Variants in SPG7 observed in about 807,000 individuals in gnomAD.
The protein encoded by SPG7 is mitochondrial inner membrane m-AAA protease component paraplegin.
SPG7 carries 103 observed loss-of-function variants against 81.9 expected under a neutral mutation model. The ratio of observed to expected loss-of-function variants is 1.26; its 90% CI spans 1.07 to 1.48. SPG7 has a LOEUF of 1.48. Among genes scored for constraint, SPG7 ranks in the 40% most tolerant of loss-of-function variants. The probability of loss-of-function intolerance (pLI) is 0.00; values close to 1 mark genes in which losing one functional copy is unlikely to be tolerated. For synonymous variants in SPG7, 534 were observed against 444.2 expected (o/e 1.20, Z -2.54); for missense variants, 1,241 against 1,087.3 (o/e 1.14, Z -1.99).
At chr16:89,542,642 A>G (rs895642107) in intron 9 of SPG7, among the ~76,000 whole-genome samples, 12 of 152,088 alleles carry the variant, frequency 7.9e-5, no homozygotes, top group African/African-American at 2.2e-4. Context: ...TGCTGTCCAG[A>G]CCTGGCGGCT....
rs758848578 is a variant in SPG7, at chr16:89,530,820, G to T, written c.987+12G>T. On this transcript the variant is annotated intron_variant, in intron 7 of 16. Coordinates refer to ENST00000645818, the MANE Select transcript of SPG7 (RefSeq NM_003119.4). ...TGGATTATCTGAAGGTGAAAGCAGC[G>T]TGGGCCGGGAGGGAGGTGTGAGCAG... 2 of 1,613,846 alleles carry T rather than the reference G, an allele frequency of 1.2e-6. No individual in the cohort carries two copies. The highest frequency in any genetic ancestry group is 2.2e-5 in the East Asian group (1 of 44,870).
At chr16:89,556,744 G>A (rs571679362) in intron 16 of SPG7, 143 bp from the exon 17 acceptor site, 25 of 739,342 alleles carry the variant, frequency 3.4e-5, no homozygotes, top group South Asian at 5.7e-5. Context: ...AGCTGCCTCC[G>A]TGCCTCCGCT....
intron 3 of SPG7, chr16:89,520,515 G>C (rs1259983297): frequency 6.4e-6 from 1 of 155,128 alleles, no homozygotes; most frequent in African/African-American, 2.4e-5. Flanking sequence ...TCCTGCGTTA[G>C]CCTCCCTAGT....
intron 2 of SPG7, among the ~76,000 whole-genome samples, 153 bp downstream of exon 2, chr16:89,510,745 G>T (rs1444197122): frequency 6.6e-6 from 1 of 152,174 alleles, no homozygotes; most frequent in Non-Finnish European, 1.5e-5. Context: ...GCTCACTACA[G>T]CCTAGAACTC....
intron 2 of SPG7, among the ~76,000 whole-genome samples, chr16:89,512,166 C>G (rs1235025793): frequency 6.6e-6 from 1 of 152,174 alleles, no homozygotes; most frequent in Non-Finnish European, 1.5e-5. Flanking sequence ...CCGACTCGGC[C>G]TCCCAAAGTG....
chr16:89,516,931 A>G (rs1308628661), intron 3 of SPG7: 1 of 152,194 alleles, frequency 6.6e-6, no homozygotes, highest in Non-Finnish European at 1.5e-5. Context: ...AGAAAAAAGA[A>G]AAAAGTCGTA....
At chr16:89,537,036 T>C (rs964368923) in intron 9 of SPG7, 1 of 1,604,788 alleles carries the variant, frequency 6.2e-7, no homozygotes, top group African/African-American at 1.3e-5. Flanking sequence ...TGCTCAGGCC[T>C]GGGAATCCGC....
intron 12 of SPG7, 113 bp downstream of exon 12, chr16:89,548,226 A>C: frequency 1.3e-6 from 1 of 749,280 alleles, no homozygotes; most frequent in Non-Finnish European, 2.4e-6. Flanking sequence ...AGGAAGGAAC[A>C]CACGTTGCGT....
intron 11 of SPG7, 81 bp downstream of exon 11, chr16:89,546,841 C>T: frequency 3.3e-6 from 3 of 918,448 alleles, no homozygotes; most frequent in Non-Finnish European, 5.5e-6. Context: ...ATCGAGGCCT[C>T]CTCTGTGGGG....
rs2058335241 is a variant in SPG7 at position 89,531,073 on chromosome 16, G to A, written c.987+265G>A. On this transcript the variant is annotated intron_variant, in intron 7 of 16. Coordinates refer to ENST00000645818, the MANE Select transcript of SPG7 (RefSeq NM_003119.4). ...AGCCGTCCTGGGCCCTTCATCCCTT[G>A]CAAAGCTCTGTGCTTTTTCCAGAAC... 5 of 564,008 alleles carry A rather than the reference G, an allele frequency of 8.9e-6. No individual in the cohort carries two copies. The Admixed American group carries it at 8.9e-5, about 10-fold the overall frequency. The allele number at this position is 564,008 out of a possible 1,614,324, so 34.9% of individuals were successfully genotyped here. A position where few individuals can be genotyped will look rare whatever the true frequency, so the allele number is the denominator to read the frequency against.
chr16:89,549,888 A>AC (rs942141453), intron 12 of SPG7: 21 of 173,406 alleles, frequency 1.2e-4, no homozygotes, highest in East Asian at 4.4e-4. Flanking sequence ...ACCCTGTGGC[A>AC]CCCCCCCAAC....
At chr16:89,542,765 C>G (rs1485001017) in intron 9 of SPG7, among the ~76,000 whole-genome samples, 1 of 152,042 alleles carries the variant, frequency 6.6e-6, no homozygotes, top group Admixed American at 6.6e-5. Flanking sequence ...GAGCCAGGGT[C>G]TCACTCCATT....
At chr16:89,537,300 G>C in intron 9 of SPG7, 1 of 1,292,408 alleles carries the variant, frequency 7.7e-7, no homozygotes, top group Non-Finnish European at 9.9e-7. Context: ...CGGGAAGGGC[G>C]CAAGTCAAAG....
At position 89,544,981 on chromosome 16, in the gene SPG7, G is replaced by T; in HGVS notation, c.1449+209G>T. The T allele has an allele frequency of 4.7e-6, 3 of 632,064 alleles. No individual in the cohort carries two copies. The South Asian group carries it at 5.2e-5, about 11-fold the overall frequency. 39.2% of individuals were successfully genotyped at this position (632,064 alleles called of 1,614,324 possible). On this transcript the variant is annotated intron_variant, in intron 10 of 16. Transcript: ENST00000645818. The stretch of plus-strand genomic sequence containing the variant: ...CACTCACTGCTGTGGCCCCCACATT[G>T]GCTGCACGCCCCCTGGCAGACCTGC...
chr16:89,529,242 C>G (rs2058308686), intron 5 of SPG7: 2 of 581,948 alleles, frequency 3.4e-6, no homozygotes, highest in South Asian at 4.0e-5. Context: ...GGCTAGATCT[C>G]CGGCATCTGC....
At chr16:89,552,861 C>A in intron 13 of SPG7, 118 bp from the exon 14 acceptor site, 1 of 931,192 alleles carries the variant, frequency 1.1e-6, no homozygotes, top group Non-Finnish European at 1.7e-6. Flanking sequence ...GAGGATGCTG[C>A]ACATTTGCCT....
intron 8 of SPG7, 43 bp downstream of exon 8, chr16:89,532,109 A>T (rs758793930): frequency 6.3e-6 from 10 of 1,595,052 alleles, no homozygotes; most frequent in South Asian, 2.2e-5. Flanking sequence ...TTGGCTGACT[A>T]CCTGGCTCCT....
At chr16:89,525,483 G>A (rs1386062440) in intron 4 of SPG7, among the ~76,000 whole-genome samples, 1 of 152,222 alleles carries the variant, frequency 6.6e-6, no homozygotes, top group East Asian at 1.9e-4. Flanking sequence ...TGTCTTAGCA[G>A]TTTGGGGTGT....
chr16:89,516,403 T>A (rs1036737653), intron 3 of SPG7, among the ~76,000 whole-genome samples: 1 of 150,858 alleles, frequency 6.6e-6, no homozygotes, highest in Non-Finnish European at 1.5e-5. Flanking sequence ...AAAAAAAAAA[T>A]TAGCCAGGTG....
Sources: gnomAD v4.1 joint callset for allele counts (sites outside exome capture counted in the v4.1 genomes callset) on GRCh38, gnomAD v4.1.1 for gene constraint, MANE v1.5 for transcripts, NCBI Gene and HGNC (gene_info 2026-07-23, HGNC 2026-07-21) for gene names.